EPM2A: variants seen among roughly 807,000 people sequenced by gnomAD.
The protein encoded by EPM2A is EPM2A glucan phosphatase, laforin.
A neutral mutation model predicts 26.5 loss-of-function variants in EPM2A; 21 were observed. The observed-to-expected ratio is 0.79, with a 90% CI of 0.56 to 1.14. The LOEUF is 1.14. Among genes scored for constraint, EPM2A ranks in the 50% most tolerant of loss-of-function variants. The pLI is 0.00. For missense variants in EPM2A, 458 were observed against 440.8 expected (o/e 1.04, Z -0.35); for synonymous variants, 217 against 177.6 (o/e 1.22, Z -1.76).
chr6:145,660,230 G>A lies in EPM2A; in HGVS notation c.477-24744C>T, dbSNP rs148149406. ...CATTCCTCAGGTATTATTAATTCAG[G>A]CTGAAAAGAGATCCCCATAGCTCTA... On this transcript the variant is annotated intron_variant, in intron 2 of 3. Coordinates refer to ENST00000367519, the MANE Select transcript of EPM2A (RefSeq NM_005670.4). Among the ~76,000 whole-genome samples, 419 of 151,990 alleles carry A rather than the reference G, an allele frequency of 2.8e-3. 5 individuals carry two copies. The highest frequency in any genetic ancestry group is 9.6e-3 in the African/African-American group (399 of 41,450).
intron 4 of EPM2A, among the ~76,000 whole-genome samples, chr6:145,414,369 A>C (rs1196285985): frequency 6.6e-6 from 1 of 151,790 alleles, no homozygotes; most frequent in Non-Finnish European, 1.5e-5. Flanking sequence ...GGGAATATGC[A>C]CAGGCACACA....
At position 145,625,836 on chromosome 6, in the gene EPM2A, T is replaced by C. The variant is rs1775773297; in HGVS notation, c.*1580A>G. On this transcript the variant is annotated 3_prime_UTR_variant, in exon 4 of 4. Coordinates refer to ENST00000367519, the MANE Select transcript of EPM2A (RefSeq NM_005670.4). ...CTTCTTGTCCCCCACGCCTTCTAAATAAGAGTCTCTTGCATCTATCAATAT... is the reference window on the plus strand; with the variant it reads ...CTTCTTGTCCCCCACGCCTTCTAAACAAGAGTCTCTTGCATCTATCAATAT... 6.5e-7 allele frequency: 1 copy of C among 1,547,358 alleles called. No individual in the cohort carries two copies. The highest frequency in any genetic ancestry group is 8.7e-7 in the Non-Finnish European group (1 of 1,144,488).
chr6:145,410,445 G>A (rs978239088), intron 4 of EPM2A, among the ~76,000 whole-genome samples: 1 of 152,206 alleles, frequency 6.6e-6, no homozygotes, highest in African/African-American at 2.4e-5. Flanking sequence ...AGAAAAGCCT[G>A]TGACTGACAT....
At chr6:145,459,959 G>T (rs563970025) in intron 4 of EPM2A, among the ~76,000 whole-genome samples, 1 of 152,220 alleles carries the variant, frequency 6.6e-6, no homozygotes, top group South Asian at 2.1e-4. Context: ...GTCCAGACCA[G>T]TTAGTATTTT....
intron 1 of EPM2A, among the ~76,000 whole-genome samples, chr6:145,728,419 G>C (rs536022612): frequency 3.3e-5 from 5 of 152,286 alleles, no homozygotes; most frequent in Admixed American, 6.5e-5. Context: ...GTGAAGTCCA[G>C]GCTGAGGTGG....
chr6:145,691,913 A>G (rs1781304239), intron 1 of EPM2A, among the ~76,000 whole-genome samples: 1 of 152,070 alleles, frequency 6.6e-6, no homozygotes, highest in Admixed American at 6.5e-5. Flanking sequence ...TAAATAGTCT[A>G]AATACACCAA....
At chr6:145,605,887 G>A (rs1047405034) in intron 2 of EPM2A, among the ~76,000 whole-genome samples, 1 of 152,086 alleles carries the variant, frequency 6.6e-6, no homozygotes, top group African/African-American at 2.4e-5. Flanking sequence ...AGGTTAGGAA[G>A]AAACTGTAGG....
chr6:145,707,659 T>C (rs569062535), intron 1 of EPM2A, among the ~76,000 whole-genome samples: 12 of 152,288 alleles, frequency 7.9e-5, no homozygotes, highest in Admixed American at 7.2e-4. Context: ...TGCCCTTCTT[T>C]TGCCTTCCGC....
At chr6:145,624,178 G>A (rs1005263683), downstream of EPM2A, among the ~76,000 whole-genome samples, 8 of 152,010 alleles carry the variant, frequency 5.3e-5, no homozygotes, top group African/African-American at 1.7e-4. Flanking sequence ...TGATCAGCAC[G>A]TTACATCTAG....
chr6:145,723,460 A>G (rs1221766351), intron 1 of EPM2A, among the ~76,000 whole-genome samples: 2 of 152,272 alleles, frequency 1.3e-5, no homozygotes, highest in African/African-American at 2.4e-5. Flanking sequence ...CAAGTATACC[A>G]AAAGAATTAG....
At chr6:145,403,367 C>A (rs1173100688) in intron 4 of EPM2A, among the ~76,000 whole-genome samples, 14 of 151,908 alleles carry the variant, frequency 9.2e-5, no homozygotes. Flanking sequence ...TACCCACTAT[C>A]CATCCTCCCA....
At chr6:145,561,734 T>A (rs1311404664) in intron 2 of EPM2A, among the ~76,000 whole-genome samples, 1 of 152,164 alleles carries the variant, frequency 6.6e-6, no homozygotes, top group Non-Finnish European at 1.5e-5. Context: ...GCAGTGATAA[T>A]CATGAGATGA....
intron 4 of EPM2A, among the ~76,000 whole-genome samples, chr6:145,496,353 C>T (rs936321977): frequency 2.0e-5 from 3 of 152,124 alleles, no homozygotes; most frequent in South Asian, 2.1e-4. Context: ...TCTGCATTTT[C>T]GGAATTTGAA....
chr6:145,721,888 G>C (rs1021247728), intron 1 of EPM2A: 3 of 152,108 alleles, frequency 2.0e-5, no homozygotes. Flanking sequence ...TAACATTGTA[G>C]CTGCTTTACT....
At chr6:145,563,658 C>CT (rs1780841130) in intron 2 of EPM2A, among the ~76,000 whole-genome samples, 1 of 152,064 alleles carries the variant, frequency 6.6e-6, no homozygotes, top group Admixed American at 6.6e-5. Flanking sequence ...ATGAATGTCT[C>CT]TAACATTATT....
chr6:145,395,843 C>T (rs777119802), intron 4 of EPM2A, among the ~76,000 whole-genome samples: 5 of 152,126 alleles, frequency 3.3e-5, no homozygotes, highest in Admixed American at 6.6e-5. Context: ...CTGCTGTGTC[C>T]TACTGGGCAG....
chr6:145,481,520 GTAGCCTAATTGT>G (rs1209388396), intron 4 of EPM2A, among the ~76,000 whole-genome samples: 2 of 151,988 alleles, frequency 1.3e-5, no homozygotes, highest in Non-Finnish European at 2.9e-5. Context: ...TGCTAATTTA[GTAGCCTAATTGT>G]TATAGTTAAC....
At chr6:145,726,420 A>G (rs1474586286) in intron 1 of EPM2A, among the ~76,000 whole-genome samples, 1 of 152,132 alleles carries the variant, frequency 6.6e-6, no homozygotes, top group Admixed American at 6.6e-5. Context: ...CAGGCAGAAC[A>G]TAACTTCTCA....
chr6:145,626,354 T>C lies in EPM2A; in HGVS notation c.*1062A>G. 2.0e-6 allele frequency: 2 copies of C among 986,016 alleles called. No individual in the cohort carries two copies. The highest frequency in any genetic ancestry group is 1.2e-6 in the Non-Finnish European group (1 of 830,040). 61.1% of individuals were successfully genotyped at this position (986,016 alleles called of 1,614,324 possible). On this transcript the variant is annotated 3_prime_UTR_variant, in exon 4 of 4. Coordinates refer to ENST00000367519, the MANE Select transcript of EPM2A (RefSeq NM_005670.4). ...CAGGATGGCCAAGGCTGTGAAGCAATTATCCATGGATTTGGTCATTTGGGC... is the reference window on the plus strand; with the variant it reads ...CAGGATGGCCAAGGCTGTGAAGCAACTATCCATGGATTTGGTCATTTGGGC...
Sources: allele counts gnomAD v4.1 joint callset (sites outside exome capture counted in the v4.1 genomes callset), GRCh38; gene constraint gnomAD v4.1.1; transcripts MANE v1.5; gene names NCBI Gene and HGNC (gene_info 2026-07-23, HGNC 2026-07-21).